The following PDE1C variants were observed in gnomAD, a reference collection of about 807,000 sequenced individuals.
The protein encoded by PDE1C is phosphodiesterase 1C, also known as dual specificity calcium/calmodulin-dependent 3',5'-cyclic nucleotide phosphodiesterase 1C.
In PDE1C, 62 loss-of-function variants were observed where a neutral mutation model predicts 93.1. That is an observed-to-expected ratio of 0.67 (90% CI 0.54 to 0.82). The LOEUF is 0.82. Among genes scored for constraint, PDE1C ranks in the 40% least tolerant of loss-of-function variants. The pLI is 0.00. For synonymous variants in PDE1C, 325 were observed against 310.1 expected, an observed-to-expected ratio of 1.05 and a Z score of -0.50; for missense variants, 742 against 884.6, an observed-to-expected ratio of 0.84 and a Z score of 2.04.
intron 1 of PDE1C, among the ~76,000 whole-genome samples, chr7:32,232,617 T>C (rs1354420308): frequency 6.6e-6 from 1 of 152,140 alleles, no homozygotes; most frequent in Non-Finnish European, 1.5e-5. Flanking sequence ...ATGAGGGACA[T>C]GGTGGAAAGG....
rs115451908 is a variant in PDE1C at position 32,103,678 on chromosome 7, C to A, written c.308+66107G>T. ...AGCTTGTAATGCTCTTAAATACAAA[C>A]GGACAATGATTGTCATGCATTTAAG... On this transcript the variant is annotated intron_variant, in intron 3 of 18. Coordinates refer to the PDE1C transcript ENST00000396193. Among the ~76,000 whole-genome samples the A allele has an allele frequency of 8.9e-4, 136 of 152,188 alleles. 1 individual carries two copies. The highest frequency in any genetic ancestry group is 3.2e-3 in the African/African-American group (132 of 41,530).
At chr7:31,912,271 T>A (rs759132195) in intron 2 of PDE1C, among the ~76,000 whole-genome samples, 1 of 152,220 alleles carries the variant, frequency 6.6e-6, no homozygotes. Flanking sequence ...GTTATTACCA[T>A]AAATATTCAG....
At chr7:32,071,004 A>G, upstream of PDE1C, 1 of 985,318 alleles carries the variant, frequency 1.0e-6, no homozygotes, top group Non-Finnish European at 1.2e-6. Flanking sequence ...CAAGCGAGAA[A>G]ACTGACAAGT....
At chr7:32,107,310 G>A (rs1015798529) in intron 3 of PDE1C, among the ~76,000 whole-genome samples, 1 of 148,610 alleles carries the variant, frequency 6.7e-6, no homozygotes, top group Non-Finnish European at 1.5e-5. Context: ...GGAAAGGAAG[G>A]AAAGAAGGAA....
intron 3 of PDE1C, among the ~76,000 whole-genome samples, chr7:32,159,752 CCT>C (rs1385613403): frequency 1.3e-5 from 2 of 152,100 alleles, no homozygotes; most frequent in East Asian, 3.9e-4. Context: ...ACCTGAGTGT[CCT>C]CTTCTCTCTC....
chr7:31,925,624 T>A (rs1803271579), intron 2 of PDE1C, among the ~76,000 whole-genome samples: 1 of 152,194 alleles, frequency 6.6e-6, no homozygotes, highest in African/African-American at 2.4e-5. Flanking sequence ...AAGACTAGGG[T>A]GTCTCTAGGG....
chr7:31,922,757 C>T (rs542865886), intron 2 of PDE1C, among the ~76,000 whole-genome samples: 5 of 152,188 alleles, frequency 3.3e-5, no homozygotes, highest in South Asian at 2.1e-4. Context: ...GAAACAAAAT[C>T]GTTCACTCAG....
the PDE1C span, among the ~76,000 whole-genome samples, chr7:31,714,844 C>T: frequency 3.3e-5 from 5 of 152,160 alleles, no homozygotes; most frequent in Admixed American, 6.5e-5. Context: ...TCCCACAACA[C>T]GTTGGAATTC....
chr7:31,998,121 A>C (rs969029183), intron 2 of PDE1C, among the ~76,000 whole-genome samples: 1 of 152,042 alleles, frequency 6.6e-6, no homozygotes, highest in South Asian at 2.1e-4. Flanking sequence ...CTGTGTTCAC[A>C]CCATTCTCCT....
chr7:32,406,003 C>G (rs1442707773), intron 1 of PDE1C, among the ~76,000 whole-genome samples: 1 of 152,146 alleles, frequency 6.6e-6, no homozygotes, highest in African/African-American at 2.4e-5. Context: ...AAGAACCTTT[C>G]ATGTCCATTA....
the PDE1C span, among the ~76,000 whole-genome samples, chr7:31,673,822 A>G: frequency 6.6e-6 from 1 of 152,160 alleles, no homozygotes; most frequent in Admixed American, 6.5e-5. Context: ...GATTTTGATG[A>G]AATTATAATA....
Position 31,786,681 on chromosome 7 carries a change from A to G in PDE1C, c.1892-10949T>C, listed in dbSNP as rs577093876. 5.3e-5 allele frequency: 8 copies of G among 152,276 alleles called. No individual in the cohort carries two copies. The South Asian group carries it at 8.3e-4, about 16-fold the overall frequency. 9.4% of individuals were successfully genotyped at this position (152,276 alleles called of 1,614,324 possible). A position where few individuals can be genotyped will look rare whatever the true frequency, so the allele number is the denominator to read the frequency against. ...AACAAAGTTTCCAATTAGGAAAAAAATTGTTGCCTGAATTCCCTAAATTCT... is the reference window on the plus strand; with the variant it reads ...AACAAAGTTTCCAATTAGGAAAAAAGTTGTTGCCTGAATTCCCTAAATTCT... On this transcript the variant is annotated intron_variant, in intron 16 of 17. Coordinates refer to ENST00000396191, the MANE Select transcript of PDE1C (RefSeq NM_001191057.4).
At chr7:31,663,435 A>T in the PDE1C span, among the ~76,000 whole-genome samples, 1 of 152,166 alleles carries the variant, frequency 6.6e-6, no homozygotes, top group African/African-American at 2.4e-5. Context: ...CCCAAGAGAG[A>T]GAGTTTATCT....
At chr7:31,779,657 C>T (rs914245707) in intron 16 of PDE1C, among the ~76,000 whole-genome samples, 2 of 152,054 alleles carry the variant, frequency 1.3e-5, no homozygotes, top group Admixed American at 6.5e-5. Context: ...AGGTAGCAGG[C>T]GGGGATACAT....
chr7:32,126,206 T>TAGAC (rs1354886038), intron 3 of PDE1C, among the ~76,000 whole-genome samples: 2 of 121,424 alleles, frequency 1.6e-5, no homozygotes, highest in Non-Finnish European at 1.7e-5. Flanking sequence ...CTATTCTAGA[T>TAGAC]AGATAGATAG....
chr7:31,713,289 C>A, the PDE1C span, among the ~76,000 whole-genome samples: 103 of 152,330 alleles, frequency 6.8e-4, no homozygotes, highest in South Asian at 2.3e-3. Flanking sequence ...ACCAGCAGGG[C>A]AGTCAAATCT....
the PDE1C span, chr7:31,707,940 T>C: frequency 6.6e-6 from 1 of 152,220 alleles, no homozygotes; most frequent in South Asian, 2.1e-4. Flanking sequence ...AGCTTAGCAA[T>C]GTATCTTCAA....
chr7:32,002,106 G>A (rs143359072), intron 2 of PDE1C, among the ~76,000 whole-genome samples: 150 of 152,206 alleles, frequency 9.9e-4, no homozygotes, highest in Non-Finnish European at 1.6e-3. Flanking sequence ...TGAAGACTAA[G>A]AGAGACCCCA....
At chr7:32,385,013 T>G (rs748261143) in intron 1 of PDE1C, among the ~76,000 whole-genome samples, 1 of 152,102 alleles carries the variant, frequency 6.6e-6, no homozygotes, top group African/African-American at 2.4e-5. Flanking sequence ...GGATAAGTGA[T>G]GATGAGGAAG....
Sources: allele counts gnomAD v4.1 joint callset (sites outside exome capture counted in the v4.1 genomes callset), GRCh38; gene constraint gnomAD v4.1.1; transcripts MANE v1.5; gene names NCBI Gene and HGNC (gene_info 2026-07-23, HGNC 2026-07-21).